The following GPC5 variants were observed in gnomAD, a reference collection of about 807,000 sequenced individuals.
The protein encoded by GPC5 is glypican 5, also known as glypican-5.
In GPC5, 47 loss-of-function variants were observed where a neutral mutation model predicts 53.9. The ratio of observed to expected loss-of-function variants is 0.87; its 90% CI spans 0.69 to 1.11. The LOEUF (loss-of-function observed/expected upper bound fraction) is 1.11, where lower values mean the gene tolerates loss of function less well. Among genes scored for constraint, GPC5 ranks in the 50% most tolerant of loss-of-function variants. GPC5 has a pLI of 0.00. For missense variants in GPC5, 748 were observed against 713.1 expected (o/e 1.05, Z -0.56); for synonymous variants, 286 against 263.3 (o/e 1.09, Z -0.84).
chr13:92,449,885 T>G (rs1877990254), intron 7 of GPC5, among the ~76,000 whole-genome samples: 1 of 152,294 alleles, frequency 6.6e-6, no homozygotes, highest in East Asian at 1.9e-4. Flanking sequence ...TTTGTTATTC[T>G]ACATTAATCA....
intron 7 of GPC5, among the ~76,000 whole-genome samples, chr13:92,663,873 T>C (rs1392171145): frequency 6.1e-5 from 1 of 16,494 alleles, no homozygotes; most frequent in African/African-American, 1.3e-4. Context: ...TATATATATA[T>C]ATATATATAT....
At chr13:92,088,455 T>G (rs2041353103) in intron 6 of GPC5, among the ~76,000 whole-genome samples, 1 of 152,094 alleles carries the variant, frequency 6.6e-6, no homozygotes, top group African/African-American at 2.4e-5. Context: ...ACTTTGAAGA[T>G]AAAATGGCCC....
chr13:92,110,821 A>T (rs762867672), intron 6 of GPC5, among the ~76,000 whole-genome samples: 25 of 152,216 alleles, frequency 1.6e-4, no homozygotes, highest in Non-Finnish European at 3.1e-4. Context: ...GGCTGCTGAT[A>T]ACCTTTTGCT....
intron 6 of GPC5, among the ~76,000 whole-genome samples, chr13:92,042,008 G>T (rs2040945472): frequency 6.6e-6 from 1 of 152,118 alleles, no homozygotes; most frequent in Admixed American, 6.6e-5. Flanking sequence ...CCTGGAGATG[G>T]GCACCCAATA....
At chr13:91,428,780 C>T (rs571142160) in intron 1 of GPC5, among the ~76,000 whole-genome samples, 6 of 151,980 alleles carry the variant, frequency 3.9e-5, no homozygotes, top group East Asian at 1.9e-4. Context: ...TAAGGGAACA[C>T]GTGCTTATTT....
intron 7 of GPC5, among the ~76,000 whole-genome samples, chr13:92,452,577 A>AC (rs375910180): frequency 8.0e-6 from 1 of 125,688 alleles, no homozygotes; most frequent in Non-Finnish European, 1.7e-5. Context: ...TCCAAAAAAA[A>AC]CAAAAAAAAC....
intron 7 of GPC5, among the ~76,000 whole-genome samples, chr13:92,589,161 G>A (rs1883637764): frequency 6.6e-6 from 1 of 152,160 alleles, no homozygotes; most frequent in Non-Finnish European, 1.5e-5. Context: ...TAGCACTAAC[G>A]ATGTTCTGTT....
At chr13:92,607,888 T>A (rs1053894948) in intron 7 of GPC5, among the ~76,000 whole-genome samples, 4 of 152,174 alleles carry the variant, frequency 2.6e-5, no homozygotes, top group African/African-American at 9.7e-5. Context: ...CACCTCTGCC[T>A]GCCCTGAGAC....
intron 2 of GPC5, among the ~76,000 whole-genome samples, chr13:91,494,656 A>G (rs959703832): frequency 6.6e-6 from 1 of 152,142 alleles, no homozygotes; most frequent in Non-Finnish European, 1.5e-5. Context: ...TCCAGCAGCC[A>G]ATTTTCTGTC....
intron 7 of GPC5, among the ~76,000 whole-genome samples, chr13:92,174,545 AAAAAAC>A (rs1329759817): frequency 1.3e-5 from 2 of 150,886 alleles, no homozygotes; most frequent in Admixed American, 6.6e-5. Context: ...AAAGAAAAAA[AAAAAAC>A]AAAAACAACA....
chr13:92,703,306 G>A (rs1166397092), intron 7 of GPC5, among the ~76,000 whole-genome samples: 1 of 151,432 alleles, frequency 6.6e-6, no homozygotes, highest in Non-Finnish European at 1.5e-5. Context: ...GGGGGGCTGG[G>A]CTAAGGAATA....
chr13:91,566,719 T>C lies in GPC5; in HGVS notation c.325+117797T>C, dbSNP rs2031547881. Among the ~76,000 whole-genome samples, 3 of 152,130 alleles carry C rather than the reference T, an allele frequency of 2.0e-5. No homozygotes were observed. The South Asian group carries it at 6.2e-4, about 31-fold the overall frequency. On this transcript the variant is annotated intron_variant, in intron 2 of 7. Transcript: ENST00000377067. ...AAACATAGCAGACTAATATTTGAGG[T>C]GGCTGAATAAAATATTTTTCTCAAA...
chr13:92,862,919 A>G (rs1879228259), intron 7 of GPC5, among the ~76,000 whole-genome samples: 1 of 152,168 alleles, frequency 6.6e-6, no homozygotes, highest in Non-Finnish European at 1.5e-5. Flanking sequence ...GAGATAGAGG[A>G]AAATACCCAC....
At chr13:92,281,994 C>A (rs1304301575) in intron 7 of GPC5, among the ~76,000 whole-genome samples, 1 of 152,082 alleles carries the variant, frequency 6.6e-6, no homozygotes, top group Non-Finnish European at 1.5e-5. Context: ...AGCTAAAAAC[C>A]TTGAAAAAAG....
intron 7 of GPC5, among the ~76,000 whole-genome samples, chr13:92,635,450 A>G (rs567043327): frequency 4.6e-5 from 7 of 152,294 alleles, no homozygotes; most frequent in Non-Finnish European, 8.8e-5. Flanking sequence ...AGTGGAAGGT[A>G]GAAGTTGAAA....
chr13:91,413,858 C>T (rs1211924608), intron 1 of GPC5, among the ~76,000 whole-genome samples: 1 of 152,162 alleles, frequency 6.6e-6, no homozygotes, highest in Non-Finnish European at 1.5e-5. Context: ...AATTATTCCT[C>T]AAAAATCATC....
intron 6 of GPC5, among the ~76,000 whole-genome samples, chr13:91,993,524 T>A (rs1390043359): frequency 6.6e-6 from 1 of 152,128 alleles, no homozygotes; most frequent in Admixed American, 6.5e-5. Context: ...TTCAAACTTA[T>A]CAAAGTGTCA....
intron 5 of GPC5, among the ~76,000 whole-genome samples, chr13:91,788,313 G>T (rs1206719684): frequency 6.6e-6 from 1 of 152,036 alleles, no homozygotes; most frequent in African/African-American, 2.4e-5. Flanking sequence ...CCATCATAAG[G>T]GACCCACTCT....
chr13:92,298,258 C>A lies in GPC5; in HGVS notation c.1561+153269C>A, dbSNP rs547879829. ...TCCTAGGCTCCCCGCCTCCCAGCTG[C>A]GAAAGTAAATACGGCTTTCCTCCTT... On this transcript the variant is annotated intron_variant, in intron 7 of 7. Coordinates refer to ENST00000377067, the MANE Select transcript of GPC5 (RefSeq NM_004466.6). Among the ~76,000 whole-genome samples, 7 of 152,284 alleles carry A rather than the reference C, an allele frequency of 4.6e-5. No individual in the cohort carries two copies. In the South Asian group the frequency reaches 1.4e-3, roughly 32 times the overall value.
Sources: gnomAD v4.1 joint callset for allele counts (sites outside exome capture counted in the v4.1 genomes callset) on GRCh38, gnomAD v4.1.1 for gene constraint, MANE v1.5 for transcripts, NCBI Gene and HGNC (gene_info 2026-07-23, HGNC 2026-07-21) for gene names.